NLN: variants seen among roughly 807,000 people sequenced by gnomAD.
NLN encodes the protein neurolysin, mitochondrial.
In NLN, 64 loss-of-function variants were observed where a neutral mutation model predicts 79.9. That is an observed-to-expected ratio of 0.80 (90% CI 0.65 to 0.99). NLN has a LOEUF of 0.99. Among genes scored for constraint, NLN ranks in the 50% least tolerant of loss-of-function variants. The pLI is 0.00. For missense variants in NLN, 835 were observed against 858.7 expected, an observed-to-expected ratio of 0.97 and a Z score of 0.34; for synonymous variants, 267 against 296.6, an observed-to-expected ratio of 0.90 and a Z score of 1.02.
At chr5:65,790,940 T>C (rs1020628562) in intron 8 of NLN, among the ~76,000 whole-genome samples, 1 of 152,208 alleles carries the variant, frequency 6.6e-6, no homozygotes, top group Non-Finnish European at 1.5e-5. Context: ...TTAATTTCTT[T>C]TGTACTGAGA....
intron 6 of NLN, among the ~76,000 whole-genome samples, chr5:65,783,381 T>C (rs982876605): frequency 7.9e-5 from 12 of 152,148 alleles, no homozygotes; most frequent in African/African-American, 2.2e-4. Context: ...CCTCAGGGTG[T>C]GGCTTTCAGG....
intron 1 of NLN, among the ~76,000 whole-genome samples, chr5:65,745,796 T>G (rs527243825): frequency 6.6e-6 from 1 of 152,254 alleles, no homozygotes; most frequent in South Asian, 2.1e-4. Context: ...AGTGTCATGA[T>G]CAGATTTATG....
chr5:65,772,747 T>C (rs1561195377), intron 3 of NLN, among the ~76,000 whole-genome samples: 2 of 151,598 alleles, frequency 1.3e-5, no homozygotes, highest in African/African-American at 4.8e-5. Flanking sequence ...TTTTTTTTTT[T>C]AGAAACAGGG....
intron 1 of NLN, among the ~76,000 whole-genome samples, chr5:65,730,813 A>G (rs958016434): frequency 6.6e-5 from 10 of 152,108 alleles, no homozygotes; most frequent in South Asian, 2.1e-4. Flanking sequence ...CTGCCTCCCA[A>G]AGTGCTGGGA....
intron 1 of NLN, among the ~76,000 whole-genome samples, chr5:65,751,695 A>G (rs1759105927): frequency 6.6e-6 from 1 of 152,246 alleles, no homozygotes; most frequent in African/African-American, 2.4e-5. Flanking sequence ...CTGAAAGTAC[A>G]TTCCATAAAA....
In NLN at chr5:65,827,183, A is replaced by G. The variant is rs1366246822; in HGVS notation, c.*4268A>G. The G allele has an allele frequency of 6.6e-6, 1 of 152,140 alleles. No homozygotes were observed. Among genetic ancestry groups the G allele is most frequent in the African/African-American group, 2.4e-5 (1 of 41,430 alleles). The allele number at this position is 152,140 out of a possible 1,614,324, so 9.4% of individuals were successfully genotyped here. On this transcript the variant is annotated 3_prime_UTR_variant, in exon 13 of 13. Coordinates refer to ENST00000380985, the MANE Select transcript of NLN (RefSeq NM_020726.5). ...TTTGAAAAATTGAGGTAATGTACAC[A>G]GCGATGCACACACCCCCACACCACA...
intron 9 of NLN, among the ~76,000 whole-genome samples, chr5:65,797,041 C>T (rs1286888761): frequency 2.0e-5 from 3 of 152,184 alleles, no homozygotes; most frequent in African/African-American, 4.8e-5. Flanking sequence ...TCATTCAGGA[C>T]GTGAGTTTCA....
At chr5:65,729,658 A>G (rs2548778) in intron 1 of NLN, among the ~76,000 whole-genome samples, 35,874 of 151,866 alleles carry the variant, frequency 0.24, 4,328 homozygotes, top group African/African-American at 0.27. Flanking sequence ...ACAGGCGTGA[A>G]CCACCGTGCT....
chr5:65,730,706 G>A (rs1180914740), intron 1 of NLN, among the ~76,000 whole-genome samples: 1 of 151,948 alleles, frequency 6.6e-6, no homozygotes, highest in Non-Finnish European at 1.5e-5. Flanking sequence ...ACAGGCACCC[G>A]CCATCATGCC....
rs180945126 is a variant in NLN at position 65,786,031 on chromosome 5, T to C, written c.958+121T>C. On this transcript the variant is annotated intron_variant, in intron 7 of 12. Coordinates refer to ENST00000380985, the MANE Select transcript of NLN (RefSeq NM_020726.5). Reference sequence around the variant, plus strand: ...TTTTCCTTCATTTGAGAGAAGTATATTGATCACCTATTAAGTGTTAGATAG... The same window carrying C: ...TTTTCCTTCATTTGAGAGAAGTATACTGATCACCTATTAAGTGTTAGATAG... 2,236 of 836,082 alleles carry C rather than the reference T, an allele frequency of 2.7e-3. 4 individuals are homozygous for C. The highest frequency in any genetic ancestry group is 3.3e-3 in the Non-Finnish European group (1,811 of 542,872). The allele number at this position is 836,082 out of a possible 1,614,324, so 51.8% of individuals were successfully genotyped here.
rs1460606382 is a variant in NLN, at chr5:65,789,149, A to G, written c.1325+665A>G. On this transcript the variant is annotated intron_variant, in intron 8 of 12. Transcript: ENST00000380985. ...CCCTATCTCTAAAAAAATTAATTTAAAAAAAGACTCTACTCTTCCATATTT... is the reference window on the plus strand; with the variant it reads ...CCCTATCTCTAAAAAAATTAATTTAGAAAAAGACTCTACTCTTCCATATTT... Among the ~76,000 whole-genome samples, 12 of 152,102 alleles carry G rather than the reference A, an allele frequency of 7.9e-5. 1 individual carries two copies. The East Asian group carries it at 2.3e-3, about 29-fold the overall frequency.
intron 12 of NLN, among the ~76,000 whole-genome samples, chr5:65,821,089 G>GCAGC (rs1306164350): frequency 6.6e-6 from 1 of 151,686 alleles, no homozygotes; most frequent in African/African-American, 2.4e-5. Context: ...AAAGGCAGAG[G>GCAGC]CAGCGGCAGG....
At chr5:65,805,619 G>C (rs1049132938) in intron 9 of NLN, among the ~76,000 whole-genome samples, 4 of 152,204 alleles carry the variant, frequency 2.6e-5, no homozygotes, top group African/African-American at 9.6e-5. Context: ...GGTAGCAGAG[G>C]TTGGTTCATG....
At position 65,823,023 on chromosome 5, in the gene NLN, A is replaced by G; in HGVS notation, c.*108A>G. 1 of 796,176 alleles carries G rather than the reference A, an allele frequency of 1.3e-6. No individual in the cohort carries two copies. Among genetic ancestry groups the G allele is most frequent in the Non-Finnish European group, 2.1e-6 (1 of 484,502 alleles). 49.3% of individuals were successfully genotyped at this position (796,176 alleles called of 1,614,324 possible). ...TTTGCAAGTGAAAATTTAGATTTCT[A>G]TTGACATCCTTTTGTTTTCTAATTT... On this transcript the variant is annotated 3_prime_UTR_variant, in exon 13 of 13. Coordinates refer to ENST00000380985, the MANE Select transcript of NLN (RefSeq NM_020726.5).
At chr5:65,784,818 A>G (rs1254406281) in intron 6 of NLN, among the ~76,000 whole-genome samples, 1 of 152,156 alleles carries the variant, frequency 6.6e-6, no homozygotes, top group Non-Finnish European at 1.5e-5. Flanking sequence ...CCCATTAAGC[A>G]TTAACTCCCC....
chr5:65,728,827 A>G (rs913706334), intron 1 of NLN, among the ~76,000 whole-genome samples: 8 of 152,166 alleles, frequency 5.3e-5, no homozygotes, highest in African/African-American at 1.7e-4. Flanking sequence ...GACAAATTCA[A>G]TTACAGTTTT....
intron 4 of NLN, among the ~76,000 whole-genome samples, chr5:65,779,073 G>C (rs1378178319): frequency 2.0e-5 from 3 of 152,142 alleles, no homozygotes; most frequent in Admixed American, 1.3e-4. Context: ...GGTAGAAAGG[G>C]GGTTGAGGGA....
intron 12 of NLN, among the ~76,000 whole-genome samples, chr5:65,822,437 C>T (rs959647569): frequency 5.3e-5 from 8 of 152,192 alleles, no homozygotes; most frequent in South Asian, 2.1e-4. Context: ...GCTTTCTAAG[C>T]CTTTTGAAAT....
At chr5:65,806,241 T>G (rs1267624057) in intron 9 of NLN, among the ~76,000 whole-genome samples, 1 of 152,204 alleles carries the variant, frequency 6.6e-6, no homozygotes, top group Non-Finnish European at 1.5e-5. Flanking sequence ...AATTTCAACT[T>G]TCAAGTCTTA....
Sources: gnomAD v4.1 joint callset for allele counts (sites outside exome capture counted in the v4.1 genomes callset) on GRCh38, gnomAD v4.1.1 for gene constraint, MANE v1.5 for transcripts, NCBI Gene and HGNC (gene_info 2026-07-23, HGNC 2026-07-21) for gene names.